The following BBS9 variants were observed in gnomAD, a reference collection of about 807,000 sequenced individuals.
BBS9 encodes the protein Bardet-Biedl syndrome 9.
In BBS9, 89 loss-of-function variants were observed where a neutral mutation model predicts 117.7. The ratio of observed to expected loss-of-function variants is 0.76; its 90% confidence interval spans 0.64 to 0.90. The LOEUF is 0.90. Ranked by LOEUF, BBS9 falls within the 40% of genes least tolerant of loss-of-function variation. The probability of loss-of-function intolerance (pLI) is 0.00; values close to 1 mark genes in which losing one functional copy is unlikely to be tolerated. For synonymous variants in BBS9, 379 were observed against 370.9 expected (o/e 1.02, Z -0.25); for missense variants, 982 against 1,042.2 (o/e 0.94, Z 0.80).
At chr7:33,395,810 T>C (rs1440717412) in intron 19 of BBS9, among the ~76,000 whole-genome samples, 1 of 152,174 alleles carries the variant, frequency 6.6e-6, no homozygotes, top group Non-Finnish European at 1.5e-5. Flanking sequence ...ATGAGCATGA[T>C]TTTGGCTGAT....
chr7:33,620,504 A>G (rs1042097845), intron 21 of BBS9, among the ~76,000 whole-genome samples: 12 of 152,080 alleles, frequency 7.9e-5, no homozygotes, highest in African/African-American at 2.9e-4. Flanking sequence ...CCCATTTGCA[A>G]TAATAAAAAA....
chr7:33,304,093 G>A (rs1460719713), intron 9 of BBS9, among the ~76,000 whole-genome samples: 1 of 150,230 alleles, frequency 6.7e-6, no homozygotes, highest in Non-Finnish European at 1.5e-5. Context: ...CATCATCTGG[G>A]ATGTGAGGAG....
intron 5 of BBS9, among the ~76,000 whole-genome samples, chr7:33,252,066 C>T (rs570014184): frequency 3.9e-5 from 6 of 152,130 alleles, no homozygotes; most frequent in East Asian, 1.9e-4. Context: ...CTTACAATCA[C>T]GGTGGAAGGC....
At chr7:33,483,091 C>A (rs951021136) in intron 19 of BBS9, among the ~76,000 whole-genome samples, 2 of 152,010 alleles carry the variant, frequency 1.3e-5, no homozygotes, top group Non-Finnish European at 2.9e-5. Flanking sequence ...AGAATAAACA[C>A]CTTTTCTTTG....
intron 20 of BBS9, chr7:33,533,616 A>T (rs1850919154): frequency 3.1e-6 from 1 of 327,624 alleles, no homozygotes; most frequent in African/African-American, 2.1e-5. Context: ...CATTAAACAG[A>T]CGTGTGCCTG....
intron 5 of BBS9, among the ~76,000 whole-genome samples, chr7:33,242,339 G>A (rs1794669372): frequency 6.6e-6 from 1 of 151,880 alleles, no homozygotes; most frequent in African/African-American, 2.4e-5. Flanking sequence ...GCTTTGTACT[G>A]GGGAGATAAA....
intron 9 of BBS9, among the ~76,000 whole-genome samples, chr7:33,334,958 G>A (rs1222250036): frequency 6.6e-6 from 1 of 152,126 alleles, no homozygotes; most frequent in East Asian, 1.9e-4. Flanking sequence ...GATGTGTATT[G>A]GAATGTTGTG....
intron 21 of BBS9, among the ~76,000 whole-genome samples, chr7:33,577,439 T>C (rs557911624): frequency 2.0e-4 from 30 of 152,288 alleles, no homozygotes; most frequent in African/African-American, 7.0e-4. Context: ...TAGGAACACT[T>C]TTACACTGTT....
At chr7:33,612,961 G>C (rs1490514861) in intron 21 of BBS9, among the ~76,000 whole-genome samples, 1 of 151,364 alleles carries the variant, frequency 6.6e-6, no homozygotes, top group Non-Finnish European at 1.5e-5. Context: ...GCACTAAATA[G>C]AGATCTATTC....
intron 16 of BBS9, among the ~76,000 whole-genome samples, chr7:33,365,842 G>A (rs1407801195): frequency 6.6e-6 from 1 of 152,234 alleles, no homozygotes; most frequent in Non-Finnish European, 1.5e-5. Flanking sequence ...CAGTTACTCT[G>A]GCTCTGGGTT....
rs141173955 is a variant in BBS9, at chr7:33,150,484, G to T, written c.113-2217G>T. 4.9e-4 allele frequency among the ~76,000 whole-genome samples: 75 copies of T among 152,268 alleles called. No homozygotes were observed. The East Asian group carries it at 0.012, about 25-fold the overall frequency. On this transcript the variant is annotated intron_variant, in intron 2 of 22. Coordinates refer to ENST00000242067, the MANE Select transcript of BBS9 (RefSeq NM_198428.3). Reference sequence around the variant, plus strand: ...ATTAATTGTTCTGTTACAATGTAAAGTGATACTTAACCCCACCTAGAACAT... The same window carrying T: ...ATTAATTGTTCTGTTACAATGTAAATTGATACTTAACCCCACCTAGAACAT...
At chr7:33,219,480 G>A (rs1329294390) in intron 5 of BBS9, among the ~76,000 whole-genome samples, 1 of 152,156 alleles carries the variant, frequency 6.6e-6, no homozygotes, top group African/African-American at 2.4e-5. Context: ...TCTAGCTCGG[G>A]GATTGTAAAT....
chr7:33,309,183 G>A (rs1387362209), intron 9 of BBS9, among the ~76,000 whole-genome samples: 1 of 152,172 alleles, frequency 6.6e-6, no homozygotes, highest in Non-Finnish European at 1.5e-5. Flanking sequence ...CTGGATTGCA[G>A]GAGGATTACA....
chr7:33,446,225 C>T (rs1395445427), intron 19 of BBS9, among the ~76,000 whole-genome samples: 1 of 151,950 alleles, frequency 6.6e-6, no homozygotes, highest in Non-Finnish European at 1.5e-5. Context: ...GTAAAGGAGG[C>T]CTTAAAAATT....
chr7:33,567,333 C>G (rs1857074378), intron 21 of BBS9, among the ~76,000 whole-genome samples: 1 of 152,208 alleles, frequency 6.6e-6, no homozygotes, highest in Admixed American at 6.5e-5. Flanking sequence ...CCAGGACTCT[C>G]AGTAGCTGTT....
intron 5 of BBS9, among the ~76,000 whole-genome samples, chr7:33,217,110 T>C (rs939122799): frequency 8.5e-5 from 13 of 152,090 alleles, no homozygotes; most frequent in African/African-American, 3.1e-4. Context: ...ACAAAAAAAA[T>C]TAACCAACTA....
intron 6 of BBS9, among the ~76,000 whole-genome samples, chr7:33,263,724 C>T (rs1292108852): frequency 2.0e-5 from 3 of 152,018 alleles, no homozygotes; most frequent in Non-Finnish European, 4.4e-5. Context: ...CTACTATATA[C>T]CAAATAGTAG....
intron 20 of BBS9, among the ~76,000 whole-genome samples, chr7:33,507,615 C>T (rs1437428996): frequency 2.0e-5 from 3 of 152,142 alleles, no homozygotes; most frequent in Non-Finnish European, 4.4e-5. Context: ...TATCTTATTC[C>T]TTTTTATATC....
At chr7:33,200,702 C>A (rs567118309) in intron 5 of BBS9, among the ~76,000 whole-genome samples, 4 of 152,104 alleles carry the variant, frequency 2.6e-5, no homozygotes, top group African/African-American at 4.8e-5. Context: ...GGAATCCCCC[C>A]CAACACCCAA....
Sources: gnomAD v4.1 joint callset for allele counts (sites outside exome capture counted in the v4.1 genomes callset) on GRCh38, gnomAD v4.1.1 for gene constraint, MANE v1.5 for transcripts, NCBI Gene and HGNC (gene_info 2026-07-23, HGNC 2026-07-21) for gene names.